The following IPCEF1 variants were observed in gnomAD, a reference collection of about 807,000 sequenced individuals.
IPCEF1 encodes the protein interaction protein for cytohesin exchange factors 1.
In IPCEF1, 31 loss-of-function variants were observed where a neutral mutation model predicts 50.9. The ratio of observed to expected loss-of-function variants is 0.61; its 90% CI spans 0.46 to 0.82. The LOEUF (loss-of-function observed/expected upper bound fraction) is 0.82. Among genes scored for constraint, IPCEF1 ranks in the 40% least tolerant of loss-of-function variants. The pLI is 0.00. For synonymous variants in IPCEF1, 181 were observed against 192.0 expected (o/e 0.94, Z 0.47); for missense variants, 458 against 514.0 (o/e 0.89, Z 1.05).
chr6:154,188,902 A>G (rs149130835), intron 10 of IPCEF1, among the ~76,000 whole-genome samples: 20 of 152,326 alleles, frequency 1.3e-4, no homozygotes, highest in African/African-American at 4.8e-4. Context: ...GAATATCTTT[A>G]AGATACCAGT....
intron 1 of IPCEF1, among the ~76,000 whole-genome samples, chr6:154,349,369 T>TTTTAC (rs1333476384): frequency 1.3e-5 from 2 of 149,044 alleles, no homozygotes; most frequent in Admixed American, 6.7e-5. Context: ...TTTTATTTTA[T>TTTTAC]TTTATTTTAT....
chr6:154,190,297 A>T (rs558481674), intron 10 of IPCEF1, among the ~76,000 whole-genome samples: 2 of 152,320 alleles, frequency 1.3e-5, no homozygotes, highest in East Asian at 3.8e-4. Context: ...TAGGCAAAAG[A>T]TCTCAACAGA....
At chr6:154,348,769 C>T (rs1373402879) in intron 1 of IPCEF1, among the ~76,000 whole-genome samples, 1 of 152,068 alleles carries the variant, frequency 6.6e-6, no homozygotes, top group Non-Finnish European at 1.5e-5. Context: ...GCACTCCCAG[C>T]GAATAAACAG....
intron 1 of IPCEF1, among the ~76,000 whole-genome samples, chr6:154,340,532 A>G (rs534276907): frequency 1.4e-3 from 208 of 151,236 alleles, no homozygotes; most frequent in African/African-American, 4.9e-3. Context: ...GATTACAGGC[A>G]TGAGCCACTG....
chr6:154,352,882 T>A (rs959224403), intron 1 of IPCEF1, among the ~76,000 whole-genome samples: 10 of 152,266 alleles, frequency 6.6e-5, no homozygotes, highest in African/African-American at 1.7e-4. Context: ...CTAAGAAATG[T>A]ATTAACAATT....
chr6:154,348,174 C>T (rs1784067045), intron 1 of IPCEF1, among the ~76,000 whole-genome samples: 1 of 152,114 alleles, frequency 6.6e-6, no homozygotes, highest in African/African-American at 2.4e-5. Flanking sequence ...TGTGAGTGTT[C>T]ACAAAATAAA....
chr6:154,351,972 A>G lies in IPCEF1; in HGVS notation c.-62+4700T>C, dbSNP rs376793327. ...ATAGGGAGCGGAAAAACACACACTG[A>G]GGCCTGTGAGGGCCGGGGGAGAGGG... On this transcript the variant is annotated intron_variant, in intron 1 of 11. Transcript: ENST00000367220. Among the ~76,000 whole-genome samples, 36 of 152,272 alleles carry G rather than the reference A, an allele frequency of 2.4e-4. No homozygotes were observed. The East Asian group carries it at 6.6e-3, about 28-fold the overall frequency.
At chr6:154,337,003 T>A (rs1468468615) in intron 1 of IPCEF1, among the ~76,000 whole-genome samples, 1 of 152,222 alleles carries the variant, frequency 6.6e-6, no homozygotes, top group Admixed American at 6.5e-5. Flanking sequence ...GGACTTGAAA[T>A]GTTCCCACCA....
At chr6:154,183,358 CATGACCTAA>C (rs1801067440) in intron 10 of IPCEF1, among the ~76,000 whole-genome samples, 2 of 152,204 alleles carry the variant, frequency 1.3e-5, no homozygotes, top group Non-Finnish European at 2.9e-5. Flanking sequence ...ACTTGCATAA[CATGACCTAA>C]ATAGGTAGAT....
intron 2 of IPCEF1, among the ~76,000 whole-genome samples, chr6:154,287,904 C>A (rs1159186860): frequency 6.6e-6 from 1 of 152,184 alleles, no homozygotes; most frequent in African/African-American, 2.4e-5. Context: ...AATTCCTCAA[C>A]AAAACATCAA....
chr6:154,236,651 G>A (rs1357335619), intron 5 of IPCEF1, among the ~76,000 whole-genome samples: 1 of 152,168 alleles, frequency 6.6e-6, no homozygotes, highest in Non-Finnish European at 1.5e-5. Flanking sequence ...AAGATTCAAG[G>A]TGTGAAAATA....
intron 1 of IPCEF1, among the ~76,000 whole-genome samples, chr6:154,308,342 C>G (rs1385149799): frequency 1.3e-5 from 2 of 151,972 alleles, no homozygotes; most frequent in Admixed American, 1.3e-4. Context: ...AGGTTAGTCT[C>G]CAACTCCTGA....
chr6:154,238,222 G>A (rs1409432270), intron 5 of IPCEF1, among the ~76,000 whole-genome samples: 1 of 152,092 alleles, frequency 6.6e-6, no homozygotes, highest in African/African-American at 2.4e-5. Flanking sequence ...ACAACAAAAT[G>A]TCTAAACTCG....
chr6:154,183,975 C>T (rs1249698316), intron 10 of IPCEF1, among the ~76,000 whole-genome samples: 1 of 152,094 alleles, frequency 6.6e-6, no homozygotes, highest in African/African-American at 2.4e-5. Flanking sequence ...GTGGTCAGAA[C>T]ATTTAAGCAA....
chr6:154,268,754 C>CT (rs35590430), intron 2 of IPCEF1, among the ~76,000 whole-genome samples: 16,460 of 146,384 alleles, frequency 0.11, 1,041 homozygotes, highest in South Asian at 0.2. Flanking sequence ...TACTCATTGT[C>CT]TTTTTTTTTT....
chr6:154,321,505 T>C (rs1461790792), intron 1 of IPCEF1, among the ~76,000 whole-genome samples: 30 of 151,876 alleles, frequency 2.0e-4, no homozygotes, highest in Non-Finnish European at 2.9e-4. Context: ...AGGTCAGGCG[T>C]TGTGGCTCAC....
intron 3 of IPCEF1, among the ~76,000 whole-genome samples, chr6:154,264,573 A>T (rs1421391730): frequency 6.6e-6 from 1 of 152,024 alleles, no homozygotes; most frequent in Non-Finnish European, 1.5e-5. Flanking sequence ...GAGTTTCACC[A>T]TGTTGGCCAA....
intron 1 of IPCEF1, among the ~76,000 whole-genome samples, chr6:154,321,466 G>A (rs534580319): frequency 6.6e-6 from 1 of 151,910 alleles, no homozygotes; most frequent in African/African-American, 2.4e-5. Context: ...CTTTGAAGAA[G>A]TAAAATATAA....
chr6:154,342,049 A>C (rs905615585), intron 1 of IPCEF1, among the ~76,000 whole-genome samples: 2 of 152,182 alleles, frequency 1.3e-5, no homozygotes, highest in Admixed American at 1.3e-4. Context: ...ACTGGCATGC[A>C]TTACCCAGAC....
Sources: gnomAD v4.1 joint callset for allele counts (sites outside exome capture counted in the v4.1 genomes callset) on GRCh38, gnomAD v4.1.1 for gene constraint, MANE v1.5 for transcripts, NCBI Gene and HGNC (gene_info 2026-07-23, HGNC 2026-07-21) for gene names.